GAREM1: variants seen among roughly 807,000 people sequenced by gnomAD.
GAREM1 encodes GRB2 associated regulator of MAPK1 subtype 1.
In GAREM1, 26 loss-of-function variants were observed where a neutral mutation model predicts 71.3. The ratio of observed to expected loss-of-function variants is 0.36; its 90% CI spans 0.27 to 0.51. GAREM1 has a LOEUF of 0.51. Ranked by LOEUF, GAREM1 falls within the 20% of genes least tolerant of loss-of-function variation. The probability of loss-of-function intolerance (pLI) is 0.95; values close to 1 mark genes in which losing one functional copy is unlikely to be tolerated. For missense variants in GAREM1, 1,026 were observed against 1,103.1 expected (o/e 0.93, Z 0.99); for synonymous variants, 440 against 433.2 (o/e 1.02, Z -0.20).
At chr18:32,342,751 C>T (rs2047659358) in intron 2 of GAREM1, among the ~76,000 whole-genome samples, 1 of 152,182 alleles carries the variant, frequency 6.6e-6, no homozygotes, top group Non-Finnish European at 1.5e-5. Flanking sequence ...ATACTATACA[C>T]ATCCAAATGT....
intron 3 of GAREM1, among the ~76,000 whole-genome samples, chr18:32,306,673 T>C (rs1283862337): frequency 6.6e-6 from 1 of 152,176 alleles, no homozygotes; most frequent in African/African-American, 2.4e-5. Flanking sequence ...TAGACTATTC[T>C]CTAAGCTCCC....
At chr18:32,278,152 A>G (rs982396253) in intron 4 of GAREM1, among the ~76,000 whole-genome samples, 1 of 152,232 alleles carries the variant, frequency 6.6e-6, no homozygotes, top group East Asian at 1.9e-4. Context: ...ACAGTTAACT[A>G]AGGCATGGTC....
intron 3 of GAREM1, among the ~76,000 whole-genome samples, chr18:32,289,920 A>G (rs1474145650): frequency 6.6e-6 from 1 of 151,984 alleles, no homozygotes; most frequent in Non-Finnish European, 1.5e-5. Flanking sequence ...TATTTTTTGA[A>G]TCCTAACCAC....
At chr18:32,428,841 CT>C (rs2144253445) in intron 1 of GAREM1, among the ~76,000 whole-genome samples, 1 of 152,262 alleles carries the variant, frequency 6.6e-6, no homozygotes, top group Admixed American at 6.5e-5. Context: ...CATCTTCCAT[CT>C]TTTCGGTTCC....
intron 1 of GAREM1, among the ~76,000 whole-genome samples, chr18:32,430,086 C>T (rs569763189): frequency 1.3e-5 from 2 of 152,224 alleles, no homozygotes; most frequent in East Asian, 3.9e-4. Context: ...TCAGTGGGAT[C>T]AAAGCGAGGG....
chr18:32,349,503 A>G (rs536094970), intron 2 of GAREM1, among the ~76,000 whole-genome samples: 1 of 152,234 alleles, frequency 6.6e-6, no homozygotes, highest in East Asian at 1.9e-4. Flanking sequence ...AATTCATCTG[A>G]TAAGTTCCAT....
At chr18:32,335,026 T>C (rs535641801) in intron 2 of GAREM1, among the ~76,000 whole-genome samples, 1 of 152,306 alleles carries the variant, frequency 6.6e-6, no homozygotes, top group African/African-American at 2.4e-5. Context: ...TATAGCCACC[T>C]TCCCCCACTG....
intron 2 of GAREM1, among the ~76,000 whole-genome samples, chr18:32,367,720 T>C (rs1390662591): frequency 1.3e-5 from 2 of 152,138 alleles, no homozygotes; most frequent in African/African-American, 4.8e-5. Flanking sequence ...GTCCCAATTC[T>C]AAGCAAGCCA....
intron 1 of GAREM1, among the ~76,000 whole-genome samples, chr18:32,415,952 A>G (rs2048462301): frequency 6.6e-6 from 1 of 152,134 alleles, no homozygotes; most frequent in African/African-American, 2.4e-5. Flanking sequence ...CAGATGATAT[A>G]TGATTTTATA....
At position 32,264,132 on chromosome 18, in the gene GAREM1, C is replaced by T. The variant is rs531972655; in HGVS notation, c.*3739G>A. On this transcript the variant is annotated 3_prime_UTR_variant, in exon 6 of 6. Transcript: ENST00000269209. ...ACAATCCCACAATCTAAAAACTCTA[C>T]TTCACATAATTTGCACTCTAGGCCT... 2 of 152,142 alleles carry T rather than the reference C, an allele frequency of 1.3e-5. No individual in the cohort carries two copies. The highest frequency in any genetic ancestry group is 2.9e-5 in the Non-Finnish European group (2 of 68,028). 9.4% of individuals were successfully genotyped at this position (152,142 alleles called of 1,614,324 possible). A position where few individuals can be genotyped will look rare whatever the true frequency, so the allele number is the denominator to read the frequency against.
At chr18:32,286,371 G>A (rs892608947) in intron 4 of GAREM1, among the ~76,000 whole-genome samples, 2 of 146,926 alleles carry the variant, frequency 1.4e-5, no homozygotes, top group African/African-American at 5.0e-5. Context: ...TAATACATTA[G>A]CACATCCGCT....
chr18:32,382,005 G>A (rs1211770041), intron 2 of GAREM1, among the ~76,000 whole-genome samples: 1 of 152,098 alleles, frequency 6.6e-6, no homozygotes, highest in Non-Finnish European at 1.5e-5. Context: ...CACCATTCCT[G>A]GTCAATGTCT....
At chr18:32,288,932 C>T (rs1278550624) in intron 3 of GAREM1, among the ~76,000 whole-genome samples, 1 of 152,092 alleles carries the variant, frequency 6.6e-6, no homozygotes, top group African/African-American at 2.4e-5. Flanking sequence ...TAGTTCCTTA[C>T]TGTAAAATAA....
chr18:32,269,647 C>T (rs768484428), intron 5 of GAREM1, among the ~76,000 whole-genome samples: 2 of 152,060 alleles, frequency 1.3e-5, no homozygotes, highest in Non-Finnish European at 2.9e-5. Flanking sequence ...TTGATTTCAA[C>T]TCAATATAAT....
intron 1 of GAREM1, among the ~76,000 whole-genome samples, chr18:32,417,744 G>T (rs895758835): frequency 8.6e-5 from 13 of 151,984 alleles, no homozygotes; most frequent in African/African-American, 3.1e-4. Context: ...GGGGTGGGAG[G>T]AAGGTGGGGA....
At chr18:32,456,518 A>C (rs970586596) in intron 1 of GAREM1, among the ~76,000 whole-genome samples, 25 of 152,154 alleles carry the variant, frequency 1.6e-4, no homozygotes, top group Non-Finnish European at 3.4e-4. Context: ...TTTGGATAGC[A>C]TTCTGGCAGC....
intron 1 of GAREM1, among the ~76,000 whole-genome samples, chr18:32,466,043 T>G (rs533098365): frequency 2.6e-5 from 4 of 152,354 alleles, no homozygotes; most frequent in African/African-American, 9.6e-5. Flanking sequence ...GTCTCCACTA[T>G]TTAGGTAACA....
intron 1 of GAREM1, among the ~76,000 whole-genome samples, chr18:32,433,915 T>C (rs970500825): frequency 2.6e-5 from 4 of 152,154 alleles, no homozygotes; most frequent in Non-Finnish European, 5.9e-5. Context: ...CAGGTTTTTT[T>C]GTAGATACAG....
chr18:32,378,572 C>T (rs1448427399), intron 2 of GAREM1, among the ~76,000 whole-genome samples: 3 of 151,882 alleles, frequency 2.0e-5, no homozygotes, highest in Non-Finnish European at 4.4e-5. Context: ...CATAGAAGAC[C>T]TTTCTGCATG....
Sources: gnomAD v4.1 joint callset for allele counts (sites outside exome capture counted in the v4.1 genomes callset) on GRCh38, gnomAD v4.1.1 for gene constraint, MANE v1.5 for transcripts, NCBI Gene and HGNC (gene_info 2026-07-23, HGNC 2026-07-21) for gene names.